BST1: variants seen among roughly 807,000 people sequenced by gnomAD.
BST1 encodes ADP-ribosyl cyclase/cyclic ADP-ribose hydrolase 2.
Under a neutral mutation model 40.6 loss-of-function variants are expected in BST1, and 49 were observed. That is an observed-to-expected ratio of 1.21 (90% CI 0.96 to 1.53). The LOEUF (loss-of-function observed/expected upper bound fraction) is 1.53, where lower values mean the gene tolerates loss of function less well. Among genes scored for constraint, BST1 ranks in the 40% most tolerant of loss-of-function variants. The pLI, the probability that BST1 is intolerant of heterozygous loss-of-function variation, is 0.00. For missense variants in BST1, 423 were observed against 395.9 expected (o/e 1.07, Z -0.58); for synonymous variants, 157 against 159.3 (o/e 0.99, Z 0.11).
rs1719839414 is a variant in BST1 at position 15,705,601 on chromosome 4, T to G, written c.275T>G (p.Leu92Arg). The change falls in exon 2 of 9, where the codon CTT (leucine) becomes CGT (arginine). Residue 92 changes from leucine (L) to arginine (R), a missense_variant. Transcript: ENST00000265016. ...TCCGTGCTGCCCTCAGACTATGACCTTTTTATTAACTTGTCCAGGCACTCT... is the reference window on the plus strand; with the variant it reads ...TCCGTGCTGCCCTCAGACTATGACCGTTTTATTAACTTGTCCAGGCACTCT... ...PCSVLPSDYD[L>R]FINLSRHSIP... 2 of 1,613,916 alleles carry G rather than the reference T, an allele frequency of 1.2e-6. No individual in the cohort carries two copies. Among genetic ancestry groups the G allele is most frequent in the Non-Finnish European group, 1.7e-6 (2 of 1,179,920 alleles).
chr4:15,711,588 G>A (rs77939274), intron 3 of BST1, among the ~76,000 whole-genome samples: 179 of 152,332 alleles, frequency 1.2e-3, no homozygotes, highest in African/African-American at 4.1e-3. Flanking sequence ...TCACATTTGT[G>A]ATGAGCAAAA....
intron 6 of BST1, among the ~76,000 whole-genome samples, chr4:15,718,253 G>GTT (rs1720616968): frequency 6.6e-6 from 1 of 150,810 alleles, no homozygotes; most frequent in Admixed American, 6.6e-5. Flanking sequence ...AAGTGTGTGT[G>GTT]TGTGTGTGTG....
At chr4:15,716,664 G>T (rs546230875) in intron 6 of BST1, among the ~76,000 whole-genome samples, 8 of 152,284 alleles carry the variant, frequency 5.3e-5, no homozygotes, top group Non-Finnish European at 7.3e-5. Flanking sequence ...AATTACGTAA[G>T]TTATACCAAG....
the BST1 span, among the ~76,000 whole-genome samples, chr4:15,765,155 T>A: frequency 1.3e-5 from 2 of 151,994 alleles, no homozygotes; most frequent in East Asian, 3.8e-4. Context: ...GATACATAAC[T>A]GGCATCTTAA....
At chr4:15,735,064 C>T (rs1210236996), downstream of BST1, among the ~76,000 whole-genome samples, 3 of 152,308 alleles carry the variant, frequency 2.0e-5, no homozygotes, top group Non-Finnish European at 2.9e-5. Context: ...TTGCTTGGTG[C>T]TCTACCCAGA....
At chr4:15,767,022 A>T in the BST1 span, among the ~76,000 whole-genome samples, 1 of 151,880 alleles carries the variant, frequency 6.6e-6, no homozygotes, top group Non-Finnish European at 1.5e-5. Context: ...AGATAAGGCC[A>T]AGGTGAAGCA....
chr4:15,724,465 T>C (rs1198139011), intron 8 of BST1, among the ~76,000 whole-genome samples: 1 of 152,140 alleles, frequency 6.6e-6, no homozygotes, highest in Admixed American at 6.5e-5. Context: ...GGCGGGTGGA[T>C]CACCTGAGGT....
chr4:15,715,465 G>C (rs41267479), intron 5 of BST1, 104 bp downstream of exon 5: 2 of 1,230,522 alleles, frequency 1.6e-6, no homozygotes, highest in Non-Finnish European at 2.3e-6. Context: ...CATCTCATGC[G>C]TGCTTCTGTA....
downstream of BST1, among the ~76,000 whole-genome samples, chr4:15,736,762 C>T (rs1223836681): frequency 1.3e-5 from 2 of 152,196 alleles, no homozygotes; most frequent in Non-Finnish European, 2.9e-5. Flanking sequence ...GGTACCTTTG[C>T]TCACCTCCTC....
chr4:15,726,523 C>T (rs375969270), intron 8 of BST1, among the ~76,000 whole-genome samples: 1 of 152,176 alleles, frequency 6.6e-6, no homozygotes, highest in African/African-American at 2.4e-5. Flanking sequence ...AAAAAGAATC[C>T]TTGTGTGGCT....
At chr4:15,709,991 G>A (rs556651411) in intron 3 of BST1, among the ~76,000 whole-genome samples, 158 of 150,752 alleles carry the variant, frequency 1.0e-3, no homozygotes, top group Non-Finnish European at 2.0e-3. Context: ...ATTATTTTTT[G>A]AGGCAGCGTC....
intron 6 of BST1, among the ~76,000 whole-genome samples, chr4:15,717,057 G>A (rs991571126): frequency 3.3e-5 from 5 of 152,232 alleles, no homozygotes; most frequent in Non-Finnish European, 5.9e-5. Context: ...TAGGATTACA[G>A]GCATGAGCCA....
At chr4:15,722,730 G>A (rs1720878089) in intron 7 of BST1, 145 bp from the exon 8 acceptor site, 2 of 664,608 alleles carry the variant, frequency 3.0e-6, no homozygotes, top group African/African-American at 1.8e-5. Context: ...ACCGTGCTGG[G>A]CCACTAATAT....
chr4:15,723,265 G>A (rs912708928), intron 8 of BST1, among the ~76,000 whole-genome samples: 6 of 152,064 alleles, frequency 3.9e-5, no homozygotes, highest in African/African-American at 1.4e-4. Context: ...TGGGAGGCGG[G>A]GGGCAGAGTC....
intron 4 of BST1, among the ~76,000 whole-genome samples, chr4:15,713,426 C>G (rs958588625): frequency 2.0e-5 from 3 of 152,028 alleles, no homozygotes; most frequent in African/African-American, 7.2e-5. Flanking sequence ...CCTCATAATC[C>G]ACCCGCCTCA....
downstream of BST1, among the ~76,000 whole-genome samples, chr4:15,737,586 C>T (rs1721615381): frequency 6.6e-6 from 1 of 152,156 alleles, no homozygotes; most frequent in Non-Finnish European, 1.5e-5. Flanking sequence ...TAATGCTCTT[C>T]TACCAAGTGA....
chr4:15,755,664 A>G, the BST1 span, among the ~76,000 whole-genome samples: 72 of 152,332 alleles, frequency 4.7e-4, no homozygotes, highest in African/African-American at 1.7e-3. Context: ...AGAAAAAAGA[A>G]ATGCTGAGTC....
the BST1 span, among the ~76,000 whole-genome samples, chr4:15,744,928 C>G: frequency 3.3e-5 from 5 of 152,176 alleles, no homozygotes; most frequent in Non-Finnish European, 7.4e-5. Flanking sequence ...GTCATCACTT[C>G]TAGACATGCT....
At position 15,703,225 on chromosome 4, in the gene BST1, G is replaced by A. The variant is rs1719640620; in HGVS notation, c.81G>A (p.Ala27=). The change falls in exon 1 of 9, where the codon GCG becomes GCA. Residue 27 remains alanine, a synonymous_variant. Transcript: ENST00000265016. ...QLLLLLLLLA[A]GGARARWRGE... Reference sequence around the variant, plus strand: ...TGCTTCTACTGTTGCTGCTGGCGGCGGGCGGGGCGCGCGCGCGGTGGCGCG... The same window carrying A: ...TGCTTCTACTGTTGCTGCTGGCGGCAGGCGGGGCGCGCGCGCGGTGGCGCG... 1 of 1,547,084 alleles carries A rather than the reference G, an allele frequency of 6.5e-7. No individual in the cohort carries two copies. The highest frequency in any genetic ancestry group is 8.7e-7 in the Non-Finnish European group (1 of 1,147,616).
Sources: gnomAD v4.1 joint callset for allele counts (sites outside exome capture counted in the v4.1 genomes callset) on GRCh38, gnomAD v4.1.1 for gene constraint, MANE v1.5 for transcripts, NCBI Gene and HGNC (gene_info 2026-07-23, HGNC 2026-07-21) for gene names.